Variants in IGF2BP3 observed in about 807,000 individuals in gnomAD.
IGF2BP3 encodes insulin-like growth factor 2 mRNA-binding protein 3.
IGF2BP3 carries 9 observed loss-of-function variants against 73.8 expected under a neutral mutation model. The ratio of observed to expected loss-of-function variants is 0.12; its 90% CI spans 0.07 to 0.21. IGF2BP3 has a LOEUF of 0.21. Among genes scored for constraint, IGF2BP3 ranks in the 10% least tolerant of loss-of-function variants. The probability of loss-of-function intolerance (pLI) is 1.00; values close to 1 mark genes in which losing one functional copy is unlikely to be tolerated. For synonymous variants in IGF2BP3, 258 were observed against 256.7 expected, an observed-to-expected ratio of 1.01 and a Z score of -0.05; for missense variants, 542 against 714.0, an observed-to-expected ratio of 0.76 and a Z score of 2.75.
intron 3 of IGF2BP3, among the ~76,000 whole-genome samples, chr7:23,396,058 T>A (rs1277843862): frequency 1.6e-5 from 2 of 126,996 alleles, no homozygotes; most frequent in Non-Finnish European, 1.7e-5. Context: ...TTTTTTTTTT[T>A]AACCCAATAA....
chr7:23,455,617 C>A (rs1782611312), intron 2 of IGF2BP3, among the ~76,000 whole-genome samples: 1 of 152,232 alleles, frequency 6.6e-6, no homozygotes, highest in African/African-American at 2.4e-5. Context: ...AATAAAAAGA[C>A]TGTCACCCAG....
chr7:23,322,362 G>A (rs1474288294), intron 10 of IGF2BP3, among the ~76,000 whole-genome samples: 1 of 152,156 alleles, frequency 6.6e-6, no homozygotes, highest in African/African-American at 2.4e-5. Context: ...AAGAAGGGAA[G>A]TTTAGAGAAA....
chr7:23,424,606 G>C (rs1175544961), intron 2 of IGF2BP3, among the ~76,000 whole-genome samples: 1 of 151,556 alleles, frequency 6.6e-6, no homozygotes, highest in African/African-American at 2.4e-5. Context: ...AAAAGAAAGA[G>C]TCAATGATAG....
chr7:23,385,303 G>A (rs1258048945), intron 3 of IGF2BP3, among the ~76,000 whole-genome samples: 1 of 152,138 alleles, frequency 6.6e-6, no homozygotes, highest in Non-Finnish European at 1.5e-5. Flanking sequence ...GGAAGTGGAA[G>A]GGAGGGAGAA....
At chr7:23,350,375 T>G (rs149307290) in intron 6 of IGF2BP3, among the ~76,000 whole-genome samples, 1 of 152,218 alleles carries the variant, frequency 6.6e-6, no homozygotes, top group Non-Finnish European at 1.5e-5. Context: ...CAATGGTATT[T>G]TTGGATACAA....
intron 3 of IGF2BP3, among the ~76,000 whole-genome samples, chr7:23,362,007 G>A (rs1441625892): frequency 1.3e-5 from 2 of 152,182 alleles, no homozygotes; most frequent in Non-Finnish European, 2.9e-5. Flanking sequence ...AGCCACAGCC[G>A]CCTGGTTCCT....
intron 3 of IGF2BP3, among the ~76,000 whole-genome samples, chr7:23,395,604 C>G (rs573043788): frequency 6.7e-6 from 1 of 149,520 alleles, no homozygotes; most frequent in East Asian, 2.0e-4. Context: ...TCTACCCCCA[C>G]CCCCCCAAAA....
At chr7:23,314,763 T>G (rs1037676617) in intron 12 of IGF2BP3, among the ~76,000 whole-genome samples, 3 of 152,208 alleles carry the variant, frequency 2.0e-5, no homozygotes, top group Non-Finnish European at 4.4e-5. Context: ...GGTTTTTCCT[T>G]TGAATATTTT....
At chr7:23,390,818 A>C (rs1462003117) in intron 3 of IGF2BP3, among the ~76,000 whole-genome samples, 3 of 119,694 alleles carry the variant, frequency 2.5e-5, no homozygotes, top group South Asian at 2.5e-4. Context: ...TTTTTTTTTG[A>C]GACAGAGTCT....
chr7:23,368,918 CTT>C (rs1785466278), intron 3 of IGF2BP3, among the ~76,000 whole-genome samples: 1 of 150,918 alleles, frequency 6.6e-6, no homozygotes. Flanking sequence ...GAAAAAAAAA[CTT>C]AAAAAAAAAT....
chr7:23,469,004 T>G lies in IGF2BP3; in HGVS notation c.176-462A>C, dbSNP rs1051756266. On this transcript the variant is annotated intron_variant, in intron 1 of 14. Coordinates refer to ENST00000258729, the MANE Select transcript of IGF2BP3 (RefSeq NM_006547.3). The surrounding 1 kb of genome is among the most constrained non-coding windows in gnomAD (Gnocchi z 6.1). Reference sequence around the variant, plus strand: ...CGGTGGGCTTGAGGAAGACAGGGAGTGGCGAGAAAGGGTCGGGGACGGCAG... The same window carrying G: ...CGGTGGGCTTGAGGAAGACAGGGAGGGGCGAGAAAGGGTCGGGGACGGCAG... Among the ~76,000 whole-genome samples, 1 of 151,624 alleles carries G rather than the reference T, an allele frequency of 6.6e-6. No individual in the cohort carries two copies. Among genetic ancestry groups the G allele is most frequent in the Non-Finnish European group, 1.5e-5 (1 of 67,890 alleles).
chr7:23,323,691 G>A (rs1231627870), intron 10 of IGF2BP3, among the ~76,000 whole-genome samples: 1 of 152,088 alleles, frequency 6.6e-6, no homozygotes, highest in Non-Finnish European at 1.5e-5. Flanking sequence ...CTCAGCAAAT[G>A]TAAAATAACA....
At chr7:23,421,438 A>G (rs1338714987) in intron 2 of IGF2BP3, among the ~76,000 whole-genome samples, 1 of 151,978 alleles carries the variant, frequency 6.6e-6, no homozygotes, top group East Asian at 2.0e-4. Flanking sequence ...CACACCTGTG[A>G]TCCCGGCACT....
intron 2 of IGF2BP3, among the ~76,000 whole-genome samples, chr7:23,421,103 G>C (rs1787331752): frequency 6.6e-6 from 1 of 152,224 alleles, no homozygotes; most frequent in East Asian, 1.9e-4. Context: ...TCTGCCTCCC[G>C]GGTTCAGGCA....
intron 3 of IGF2BP3, among the ~76,000 whole-genome samples, chr7:23,405,774 A>G (rs767121979): frequency 1.1e-4 from 17 of 152,180 alleles, no homozygotes; most frequent in Admixed American, 2.6e-4. Context: ...CCATGAAAAA[A>G]TTGTTTTAAT....
chr7:23,346,598 CTTT>C (rs777167775), intron 7 of IGF2BP3, among the ~76,000 whole-genome samples: 1 of 132,646 alleles, frequency 7.5e-6, no homozygotes. Flanking sequence ...CTTTTTCTTT[CTTT>C]TTTTTTTTTT....
chr7:23,365,506 GATAA>G (rs1418759197), intron 3 of IGF2BP3: 2 of 152,124 alleles, frequency 1.3e-5, no homozygotes, highest in African/African-American at 4.8e-5. Context: ...GTGCCAAAGT[GATAA>G]ATATTTATAT....
At position 23,396,698 on chromosome 7, in the gene IGF2BP3, T is replaced by TG. The variant is rs202095228; in HGVS notation, c.285+22077dup. ...AGGATCCAGAACAAAATAAGACTGT[T>TG]GGGGGGGAAAAAAAAGAGCAAATGG... On this transcript the variant is annotated intron_variant, in intron 3 of 14. Coordinates refer to ENST00000258729, the MANE Select transcript of IGF2BP3 (RefSeq NM_006547.3). 8.0e-3 allele frequency among the ~76,000 whole-genome samples: 1,212 copies of TG among 151,826 alleles called. 8 individuals are homozygous for TG. Among genetic ancestry groups the TG allele is most frequent in the Middle Eastern group, 0.027 (8 of 294 alleles).
At chr7:23,345,705 G>C (rs1390408900) in intron 8 of IGF2BP3, among the ~76,000 whole-genome samples, 1 of 152,232 alleles carries the variant, frequency 6.6e-6, no homozygotes, top group Non-Finnish European at 1.5e-5. Context: ...ACATAGTTAA[G>C]ACTGCTTTAG....
Sources: gnomAD v4.1 joint callset for allele counts (sites outside exome capture counted in the v4.1 genomes callset) on GRCh38, gnomAD v4.1.1 for gene constraint, Gnocchi (gnomAD v3.1) non-coding constraint, MANE v1.5 for transcripts, NCBI Gene and HGNC (gene_info 2026-07-23, HGNC 2026-07-21) for gene names.